The following GRAMD1B variants were observed in gnomAD, a reference collection of about 807,000 sequenced individuals.
GRAMD1B encodes the protein protein Aster-B.
A neutral mutation model predicts 99.7 loss-of-function variants in GRAMD1B; 37 were observed. The ratio of observed to expected loss-of-function variants is 0.37; its 90% CI spans 0.29 to 0.49. GRAMD1B has a LOEUF of 0.49. GRAMD1B is among the 20% of genes least tolerant of loss of function. The probability of loss-of-function intolerance (pLI) is 0.98; values close to 1 mark genes in which losing one functional copy is unlikely to be tolerated. For missense variants in GRAMD1B, 888 were observed against 1,009.2 expected (o/e 0.88, Z 1.63); for synonymous variants, 427 against 387.6 (o/e 1.10, Z -1.19).
At position 123,577,348 on chromosome 11, in the gene GRAMD1B, T is replaced by C. The variant is rs1046602721; in HGVS notation, c.453-19T>C. On this transcript the variant is annotated intron_variant, in intron 2 of 19. Coordinates refer to ENST00000635736, the MANE Select transcript of GRAMD1B (RefSeq NM_001387025.1). The stretch of plus-strand genomic sequence containing the variant: ...CCTTCTCTTTCCACCCCGCTCCCTC[T>C]CTCCATCTGCCGCTGCAGCACTGCC... 5 of 1,560,074 alleles carry C rather than the reference T, an allele frequency of 3.2e-6. No individual in the cohort carries two copies. The African/African-American group carries it at 6.8e-5, about 21-fold the overall frequency.
intron 1 of GRAMD1B, among the ~76,000 whole-genome samples, chr11:123,396,020 G>C (rs1947446041): frequency 1.3e-5 from 2 of 152,052 alleles, no homozygotes; most frequent in South Asian, 4.2e-4. Flanking sequence ...TAATAACTTG[G>C]TCATTCTTTG....
At chr11:123,493,610 C>T (rs569073709) in intron 2 of GRAMD1B, among the ~76,000 whole-genome samples, 1 of 152,254 alleles carries the variant, frequency 6.6e-6, no homozygotes, top group South Asian at 2.1e-4. Flanking sequence ...CCAGACCTAC[C>T]CGCAGGCAGC....
intron 2 of GRAMD1B, chr11:123,560,731 T>C: frequency 2.3e-6 from 1 of 431,144 alleles, no homozygotes; most frequent in South Asian, 1.6e-5. Flanking sequence ...TGTGTGTGTG[T>C]GTGTATCTTT....
intron 1 of GRAMD1B, among the ~76,000 whole-genome samples, chr11:123,396,370 G>T (rs2135887898): frequency 6.6e-6 from 1 of 151,702 alleles, no homozygotes; most frequent in South Asian, 2.1e-4. Context: ...CCGCCTCCCA[G>T]GTTTAAGCAA....
At chr11:123,555,411 C>T (rs371780703) in intron 2 of GRAMD1B, among the ~76,000 whole-genome samples, 2 of 152,118 alleles carry the variant, frequency 1.3e-5, no homozygotes, top group African/African-American at 4.8e-5. Context: ...TGCAATGGTG[C>T]GATCTTGGCT....
At position 123,594,077 on chromosome 11, in the gene GRAMD1B, C is replaced by T. The variant is rs377023775; in HGVS notation, c.685-5C>T. 403 of 1,600,568 alleles carry T rather than the reference C, an allele frequency of 2.5e-4. No individual in the cohort carries two copies. Among genetic ancestry groups the T allele is most frequent in the Non-Finnish European group, 2.9e-4 (344 of 1,167,684 alleles). ...ATCCTACTAACCTTGGCTATTGTCA[C>T]GCAGGTGTTAAGCCCCACCTACAAG... On this transcript the variant is annotated splice_polypyrimidine_tract_variant and splice_region_variant and intron_variant, in intron 4 of 19. Coordinates refer to ENST00000635736, the MANE Select transcript of GRAMD1B (RefSeq NM_001387025.1).
At chr11:123,517,067 A>C (rs4935839) in intron 2 of GRAMD1B, among the ~76,000 whole-genome samples, 28,676 of 151,906 alleles carry the variant, frequency 0.19, 3,182 homozygotes, top group East Asian at 0.47. Flanking sequence ...TTACAGGTGC[A>C]CACCACCACG....
intron 1 of GRAMD1B, among the ~76,000 whole-genome samples, chr11:123,479,653 A>G (rs975353070): frequency 3.3e-5 from 5 of 152,198 alleles, no homozygotes; most frequent in Non-Finnish European, 7.3e-5. Flanking sequence ...TTCTCTGTAA[A>G]GGGCCAGATG....
intron 1 of GRAMD1B, among the ~76,000 whole-genome samples, chr11:123,439,745 A>G (rs1949323692): frequency 6.6e-6 from 1 of 152,096 alleles, no homozygotes; most frequent in Admixed American, 6.5e-5. Flanking sequence ...TTTCTAACAG[A>G]CCTATTACAT....
chr11:123,424,085 C>T (rs562521233), intron 1 of GRAMD1B, among the ~76,000 whole-genome samples: 5 of 152,154 alleles, frequency 3.3e-5, no homozygotes, highest in African/African-American at 1.2e-4. Context: ...CTTACCAGAA[C>T]TATTTGCCAT....
rs147043382 is a variant in GRAMD1B, at chr11:123,581,733, T to C, written c.664-2579T>C. Among the ~76,000 whole-genome samples, 246 of 152,324 alleles carry C rather than the reference T, an allele frequency of 1.6e-3. 2 individuals carry two copies. The Middle Eastern group carries it at 0.017, about 11-fold the overall frequency. ...TTAGTACATGTTCTTACCCACGCTT[T>C]ACAAAAGAGCAAACATTAGATATAA... On this transcript the variant is annotated intron_variant, in intron 3 of 19. Coordinates refer to ENST00000635736, the MANE Select transcript of GRAMD1B (RefSeq NM_001387025.1).
rs2136705479 is a variant in GRAMD1B, at chr11:123,600,487, G to T, written c.989G>T (p.Gly330Val). The change falls in exon 8 of 20, where the codon GGG becomes GTG. Residue 330 changes from glycine (G) to valine (V), a missense_variant. Physicochemically the swap from Gly to Val is moderately radical, Grantham distance 109. This residue lies in a region of GRAMD1B where 269 missense variants were observed against 296.6 expected (regional missense o/e 0.91). Coordinates refer to ENST00000635736, the MANE Select transcript of GRAMD1B (RefSeq NM_001387025.1). ...DSEKHFFTSFGARDRTYMMMF... is the reference protein window; with the variant it reads ...DSEKHFFTSFVARDRTYMMMF... ...ATCTAGCACTTCTTCACTTCGTTTGGGGCCCGGGATAGGACATATATGATG... is the reference window on the plus strand; with the variant it reads ...ATCTAGCACTTCTTCACTTCGTTTGTGGCCCGGGATAGGACATATATGATG... 6.2e-7 allele frequency: 1 copy of T among 1,609,418 alleles called. No individual in the cohort carries two copies. The highest frequency in any genetic ancestry group is 1.1e-5 in the South Asian group (1 of 90,602).
intron 1 of GRAMD1B, among the ~76,000 whole-genome samples, chr11:123,472,126 AGG>A (rs1421110486): frequency 6.6e-6 from 1 of 151,878 alleles, no homozygotes; most frequent in Non-Finnish European, 1.5e-5. Flanking sequence ...CCAGCTACTC[AGG>A]AGGCTAAGGT....
At chr11:123,613,343 C>T in intron 15 of GRAMD1B, 112 bp from the exon 16 acceptor site, 1 of 769,948 alleles carries the variant, frequency 1.3e-6, no homozygotes, top group South Asian at 1.8e-5. Flanking sequence ...CCCTGAGGAT[C>T]CTCAACCCAC....
At chr11:123,359,943 G>T (rs1946082751) in intron 1 of GRAMD1B, among the ~76,000 whole-genome samples, 1 of 152,050 alleles carries the variant, frequency 6.6e-6, no homozygotes, top group Non-Finnish European at 1.5e-5. Flanking sequence ...TATGGATGAG[G>T]AGCCCTTCTC....
chr11:123,589,891 C>T (rs7110733), intron 4 of GRAMD1B, among the ~76,000 whole-genome samples: 38,989 of 151,996 alleles, frequency 0.26, 5,817 homozygotes, highest in South Asian at 0.41. Context: ...GGCCAAGACC[C>T]TCCTGGCAAG....
At chr11:123,481,590 G>A (rs1472999792) in intron 2 of GRAMD1B, among the ~76,000 whole-genome samples, 1 of 152,220 alleles carries the variant, frequency 6.6e-6, no homozygotes, top group Admixed American at 6.5e-5. Context: ...AGGATGTCAG[G>A]TGTTGGATGG....
At chr11:123,419,037 C>A (rs1296468749) in intron 1 of GRAMD1B, among the ~76,000 whole-genome samples, 1 of 152,060 alleles carries the variant, frequency 6.6e-6, no homozygotes, top group Non-Finnish European at 1.5e-5. Context: ...TGGAAAGAGA[C>A]GTGGGTAAAC....
chr11:123,501,633 G>A (rs1478539513), intron 2 of GRAMD1B, among the ~76,000 whole-genome samples: 1 of 152,166 alleles, frequency 6.6e-6, no homozygotes, highest in South Asian at 2.1e-4. Flanking sequence ...AGGTGTGTGA[G>A]CAAGTCTATT....
Sources: allele counts gnomAD v4.1 joint callset (sites outside exome capture counted in the v4.1 genomes callset), GRCh38; gene constraint gnomAD v4.1.1; regional missense constraint gnomAD v4.1.1; transcripts MANE v1.5; gene names NCBI Gene and HGNC (gene_info 2026-07-23, HGNC 2026-07-21).